IDO2: variants seen among roughly 807,000 people sequenced by gnomAD.
IDO2 encodes the protein indoleamine 2,3-dioxygenase 2.
In IDO2, 46 loss-of-function variants were observed where a neutral mutation model predicts 45.1. The ratio of observed to expected loss-of-function variants is 1.02; its 90% confidence interval spans 0.80 to 1.30. The LOEUF (loss-of-function observed/expected upper bound fraction) is 1.30, where lower values mean the gene tolerates loss of function less well. Among genes scored for constraint, IDO2 ranks in the 50% most tolerant of loss-of-function variants. IDO2 has a pLI of 0.00. For missense variants in IDO2, 544 were observed against 491.8 expected (o/e 1.11, Z -1.00); for synonymous variants, 218 against 184.9 (o/e 1.18, Z -1.45).
At chr8:39,984,056 T>TAA (rs200528409) in intron 5 of IDO2, among the ~76,000 whole-genome samples, 1 of 151,486 alleles carries the variant, frequency 6.6e-6, no homozygotes, top group Non-Finnish European at 1.5e-5. Flanking sequence ...AAAAAAATAA[T>TAA]ATATGTGCGT....
chr8:40,014,787 C>T (rs1802361325), intron 10 of IDO2, among the ~76,000 whole-genome samples: 1 of 152,146 alleles, frequency 6.6e-6, no homozygotes, highest in African/African-American at 2.4e-5. Context: ...GTGAAGTCTG[C>T]AAACAAAAGG....
At chr8:39,960,681 T>G (rs1255936209) in intron 2 of IDO2, among the ~76,000 whole-genome samples, 1 of 152,258 alleles carries the variant, frequency 6.6e-6, no homozygotes, top group Non-Finnish European at 1.5e-5. Context: ...AATATTGTTT[T>G]GTTTTTTAAA....
chr8:39,994,628 G>A (rs1349145198), intron 8 of IDO2, among the ~76,000 whole-genome samples: 1 of 151,352 alleles, frequency 6.6e-6, no homozygotes, highest in Non-Finnish European at 1.5e-5. Flanking sequence ...ATGCCCCAGT[G>A]GGTCCTTCTG....
intron 8 of IDO2, among the ~76,000 whole-genome samples, chr8:39,990,163 C>T (rs770819479): frequency 5.9e-5 from 9 of 152,118 alleles, no homozygotes; most frequent in South Asian, 2.1e-4. Flanking sequence ...GTTGGTCGCG[C>T]GTGCCCCATC....
intron 8 of IDO2, among the ~76,000 whole-genome samples, chr8:39,998,825 T>C (rs770535728): frequency 4.6e-5 from 7 of 151,824 alleles, no homozygotes; most frequent in Non-Finnish European, 7.4e-5. Context: ...GTATTTTTAG[T>C]AGAGACGGGG....
intron 9 of IDO2, 36 bp from the exon 10 acceptor site, chr8:40,013,529 C>T (rs1249176037): frequency 1.9e-6 from 3 of 1,592,894 alleles, no homozygotes; most frequent in Middle Eastern, 1.7e-4. Context: ...TACCTCCCTG[C>T]ACCCCTTTCA....
Position 40,010,200 on chromosome 8 carries a change from T to G in IDO2, c.720-3365T>G, listed in dbSNP as rs183224555. 9.7e-4 allele frequency among the ~76,000 whole-genome samples: 148 copies of G among 152,196 alleles called. 2 individuals carry two copies. Among genetic ancestry groups the G allele is most frequent in the South Asian group, 3.1e-3 (15 of 4,814 alleles). On this transcript the variant is annotated intron_variant, in intron 9 of 10. Transcript: ENST00000502986. ...TTTCCTGTTTATTGTGGTCCAAGAG[T>G]GCCACAGCCCTCTATGACATTTGAG... is the stretch of plus-strand genomic sequence containing the variant.
chr8:39,965,526 T>TA (rs1563429375), intron 3 of IDO2, among the ~76,000 whole-genome samples: 3 of 151,882 alleles, frequency 2.0e-5, no homozygotes, highest in Non-Finnish European at 2.9e-5. Context: ...ATATATATAT[T>TA]AAAATACAAA....
At chr8:39,959,847 A>T (rs1032778558) in intron 2 of IDO2, among the ~76,000 whole-genome samples, 2 of 152,164 alleles carry the variant, frequency 1.3e-5, no homozygotes, top group Non-Finnish European at 2.9e-5. Context: ...TAAGTCAGAG[A>T]TTGTGAATAG....
chr8:40,013,954 C>T (rs1032814735), intron 10 of IDO2, among the ~76,000 whole-genome samples: 9 of 152,100 alleles, frequency 5.9e-5, no homozygotes, highest in African/African-American at 1.9e-4. Context: ...GCTCTGTTTC[C>T]AACTGTTCAC....
intron 2 of IDO2, among the ~76,000 whole-genome samples, chr8:39,949,644 C>T (rs1056225945): frequency 6.6e-6 from 1 of 152,182 alleles, no homozygotes; most frequent in African/African-American, 2.4e-5. Flanking sequence ...AAGACTCAAG[C>T]CCCTTCAACA....
At chr8:39,961,501 TAGTA>T (rs2129593785) in intron 2 of IDO2, among the ~76,000 whole-genome samples, 1 of 152,132 alleles carries the variant, frequency 6.6e-6, no homozygotes, top group African/African-American at 2.4e-5. Context: ...TTTTTATTTT[TAGTA>T]GAGACAGGAT....
At chr8:39,952,086 TG>T (rs750483256) in intron 2 of IDO2, among the ~76,000 whole-genome samples, 2 of 152,224 alleles carry the variant, frequency 1.3e-5, no homozygotes, top group Non-Finnish European at 2.9e-5. Flanking sequence ...TTTCTTTCAT[TG>T]GTGTGACCAT....
chr8:39,953,318 C>A (rs1807839164), intron 2 of IDO2, among the ~76,000 whole-genome samples: 1 of 152,138 alleles, frequency 6.6e-6, no homozygotes, highest in Non-Finnish European at 1.5e-5. Flanking sequence ...GGCTATATAG[C>A]AAAAGTACTT....
chr8:39,981,955 C>G (rs1408728763), intron 4 of IDO2, among the ~76,000 whole-genome samples: 1 of 152,078 alleles, frequency 6.6e-6, no homozygotes, highest in Non-Finnish European at 1.5e-5. Flanking sequence ...TGGTGGCTTA[C>G]TTGAAGGTAT....
At position 39,982,784 on chromosome 8, in the gene IDO2, A is replaced by C; in HGVS notation, c.434+14A>C. On this transcript the variant is annotated intron_variant, in intron 5 of 10. Coordinates refer to ENST00000502986, the Ensembl canonical transcript of IDO2. Reference sequence around the variant, plus strand: ...AGATCCAGACGGGTAAGGAAGGAAGAGAATGCTTTGAATTTCCATAACTTT... The same window carrying C: ...AGATCCAGACGGGTAAGGAAGGAAGCGAATGCTTTGAATTTCCATAACTTT... 2 of 1,475,732 alleles carry C rather than the reference A, an allele frequency of 1.4e-6. No homozygotes were observed. The highest frequency in any genetic ancestry group is 1.9e-6 in the Non-Finnish European group (2 of 1,080,888). The allele number at this position is 1,475,732 out of a possible 1,614,324, so 91.4% of individuals were successfully genotyped here.
At chr8:39,979,123 C>G (rs1808303631) in exon 4 of IDO2, 1 of 1,603,228 alleles carries the variant, frequency 6.2e-7, no homozygotes, top group Non-Finnish European at 8.5e-7. Context: ...GCCTGGCCCA[C>G]CTGGTCCTGA....
chr8:39,950,007 T>C (rs1285232190), intron 2 of IDO2, among the ~76,000 whole-genome samples: 6 of 152,070 alleles, frequency 3.9e-5, no homozygotes, highest in Admixed American at 2.6e-4. Flanking sequence ...TCATCTGGTG[T>C]GGTCCAAGGC....
intron 2 of IDO2, among the ~76,000 whole-genome samples, chr8:39,953,607 G>A (rs1368298830): frequency 6.6e-6 from 1 of 152,066 alleles, no homozygotes; most frequent in African/African-American, 2.4e-5. Flanking sequence ...TTGTCGCCCA[G>A]GCTAGAGTGC....
Sources: gnomAD v4.1 joint callset for allele counts (sites outside exome capture counted in the v4.1 genomes callset) on GRCh38, gnomAD v4.1.1 for gene constraint, MANE v1.5 for transcripts, NCBI Gene and HGNC (gene_info 2026-07-23, HGNC 2026-07-21) for gene names.